ATP6AP2: variants seen among roughly 807,000 people sequenced by gnomAD.
The protein encoded by ATP6AP2 is ATPase H+ transporting accessory protein 2, also known as renin receptor.
In ATP6AP2, 1 loss-of-function variant was observed where a neutral mutation model predicts 23.4. The ratio of observed to expected loss-of-function variants is 0.04; its 90% CI spans 0.02 to 0.20. The LOEUF is 0.20. ATP6AP2 is among the 10% of genes least tolerant of loss of function. ATP6AP2 has a pLI of 1.00. For missense variants in ATP6AP2, 174 were observed against 271.3 expected (o/e 0.64, Z 2.52); for synonymous variants, 90 against 97.1 (o/e 0.93, Z 0.43).
At chrX:40,595,603 A>T (rs1926757513) in intron 3 of ATP6AP2, among the ~76,000 whole-genome samples, 1 of 112,032 alleles carries the variant, frequency 8.9e-6, no homozygotes, top group Non-Finnish European at 1.9e-5. Context: ...TCCTGAACCG[A>T]GCGCCATTTC....
intron 2 of ATP6AP2, 115 bp downstream of exon 2, chrX:40,589,231 A>G (rs1926561193): frequency 1.1e-6 from 1 of 905,054 alleles, no homozygotes; most frequent in Non-Finnish European, 1.5e-6. Flanking sequence ...ACAGATTACA[A>G]AAGTTAAAAA....
chrX:40,594,066 A>AT (rs201980754), intron 3 of ATP6AP2, among the ~76,000 whole-genome samples: 1,686 of 109,662 alleles, frequency 0.015, 33 homozygotes, highest in African/African-American at 0.054. Flanking sequence ...AAAGGAGTAG[A>AT]TTTTAGATAC....
At position 40,600,942 on chromosome X, in the gene ATP6AP2, A is replaced by G. The variant is rs1167003467; in HGVS notation, c.858+61A>G. On this transcript the variant is annotated intron_variant, in intron 8 of 8. Coordinates refer to ENST00000636580, the MANE Select transcript of ATP6AP2 (RefSeq NM_005765.3). The stretch of plus-strand genomic sequence containing the variant: ...AAATTAACTTCTTATAAAAAAAAAA[A>G]AACCAAGTCCTATATCACCTAAGGG... The G allele has an allele frequency of 2.0e-5, 23 of 1,126,026 alleles. No individual in the cohort carries two copies. The Admixed American group carries it at 5.6e-4, about 27-fold the overall frequency. The allele number at this position is 1,126,026 out of a possible 1,213,427, so 92.8% of individuals were successfully genotyped here. A position where few individuals can be genotyped will look rare whatever the true frequency, so the allele number is the denominator to read the frequency against.
chrX:40,585,255 A>T (rs906019469), intron 1 of ATP6AP2, among the ~76,000 whole-genome samples: 1 of 112,091 alleles, frequency 8.9e-6, no homozygotes, highest in Non-Finnish European at 1.9e-5. Flanking sequence ...TATATACTTT[A>T]CATGGAGAGG....
intron 6 of ATP6AP2, 166 bp downstream of exon 6, chrX:40,598,900 G>A: frequency 2.1e-6 from 1 of 484,019 alleles, no homozygotes. Flanking sequence ...ACACATCCAT[G>A]TTATAGTCAA....
chrX:40,599,729 C>T lies in ATP6AP2; in HGVS notation c.726C>T (p.Asp242=), dbSNP rs1432967356. Residue 242 remains aspartate, a synonymous_variant, in exon 7 of 9, where the codon GAC becomes GAT. Coordinates refer to ENST00000636580, the MANE Select transcript of ATP6AP2 (RefSeq NM_005765.3). ...GAGATGCTTCTAAGATCCTTGTTGA[C>T]GCTCTGCAAAAGGTAAATATCAATG... is the stretch of plus-strand genomic sequence containing the variant. The part of the protein sequence containing the change: ...QFRDASKILV[D]ALQKFADDMY... The T allele has an allele frequency of 2.5e-6, 3 of 1,208,921 alleles. No homozygotes were observed.
At chrX:40,600,916 A>G (rs1926887941) in intron 8 of ATP6AP2, 35 bp downstream of exon 8, 1 of 1,150,443 alleles carries the variant, frequency 8.7e-7, no homozygotes, top group African/African-American at 2.0e-5. Flanking sequence ...TTAAAACTGT[A>G]AAATTAACTT....
At chrX:40,593,527 G>A (rs1926698420) in intron 3 of ATP6AP2, among the ~76,000 whole-genome samples, 1 of 107,054 alleles carries the variant, frequency 9.3e-6, no homozygotes, top group Non-Finnish European at 1.9e-5. Context: ...TTTTTTTTGA[G>A]ACAGAATCTT....
Position 40,597,594 on chromosome X carries a change from G to A in ATP6AP2, c.464G>A (p.Arg155His), listed in dbSNP as rs746499876. Reference sequence around the variant, plus strand: ...CTTTCAGTCACCTTGCGCCAGCTCCGTAATCGCCTGTTTCAAGAAAACTCT... The same window carrying A: ...CTTTCAGTCACCTTGCGCCAGCTCCATAATCGCCTGTTTCAAGAAAACTCT... ...EDLSVTLRQL[R>H]NRLFQENSVL... Residue 155 changes from arginine to histidine, a missense_variant, in exon 5 of 9, where the codon CGT (arginine) becomes CAT (histidine). Coordinates refer to ENST00000636580, the MANE Select transcript of ATP6AP2 (RefSeq NM_005765.3). The A allele has an allele frequency of 9.1e-6, 11 of 1,209,370 alleles. No individual in the cohort carries two copies. Among genetic ancestry groups the A allele is most frequent in the East Asian group, 5.9e-5 (2 of 33,864 alleles).
rs1178171474 is a variant in ATP6AP2, at chrX:40,606,455, TTTTGAGGC to T, written c.*701_*708del. On this transcript the variant is annotated 3_prime_UTR_variant, in exon 9 of 9. Coordinates refer to ENST00000636580, the MANE Select transcript of ATP6AP2 (RefSeq NM_005765.3). The stretch of plus-strand genomic sequence containing the variant: ...TACACACAAAAATCCCTGAGGGACA[TTTTGAGGC>T]ATGAATATAAAACATTTTTATTTCA... The T allele has an allele frequency of 8.9e-5, 10 of 112,263 alleles. No individual in the cohort carries two copies. Among genetic ancestry groups the T allele is most frequent in the African/African-American group, 2.9e-4 (9 of 30,794 alleles). The allele number at this position is 112,263 out of a possible 1,213,427, so 9.3% of individuals were successfully genotyped here.
chrX:40,593,571 A>G (rs1294433256), intron 3 of ATP6AP2, among the ~76,000 whole-genome samples: 2 of 110,047 alleles, frequency 1.8e-5, no homozygotes, highest in Non-Finnish European at 3.8e-5. Context: ...CAGTGGCGCA[A>G]TGTCATCTCA....
intron 3 of ATP6AP2, among the ~76,000 whole-genome samples, chrX:40,593,872 A>G (rs1387250565): frequency 9.0e-6 from 1 of 111,463 alleles, no homozygotes; most frequent in Non-Finnish European, 1.9e-5. Context: ...TTCCATCCAT[A>G]TCTTAGAAAT....
At position 40,605,968 on chromosome X, in the gene ATP6AP2, T is replaced by C. The variant is rs909914474; in HGVS notation, c.*213T>C. 1 of 380,026 alleles carries C rather than the reference T, an allele frequency of 2.6e-6. No individual in the cohort carries two copies. The highest frequency in any genetic ancestry group is 2.5e-5 in the African/African-American group (1 of 39,450). 31.3% of individuals were successfully genotyped at this position (380,026 alleles called of 1,213,427 possible). ...CTGTGGTATAGATTCCATAATATGCTTGAATATTATGATATAGCCATTTAA... is the reference window on the plus strand; with the variant it reads ...CTGTGGTATAGATTCCATAATATGCCTGAATATTATGATATAGCCATTTAA... On this transcript the variant is annotated 3_prime_UTR_variant, in exon 9 of 9. Transcript: ENST00000636580.
At chrX:40,594,040 G>A (rs1047120194) in intron 3 of ATP6AP2, among the ~76,000 whole-genome samples, 5 of 110,697 alleles carry the variant, frequency 4.5e-5, no homozygotes, top group African/African-American at 1.7e-4. Flanking sequence ...AATGCATTGT[G>A]TATTTCAAAA....
intron 6 of ATP6AP2, 47 bp from the exon 7 acceptor site, chrX:40,599,545 C>T (rs776563368): frequency 8.3e-7 from 1 of 1,202,342 alleles, no homozygotes; most frequent in East Asian, 3.0e-5. Flanking sequence ...TGACGTCTTT[C>T]ATCTTACTTT....
At chrX:40,602,666 A>C (rs67157095) in intron 8 of ATP6AP2, among the ~76,000 whole-genome samples, 13,476 of 104,881 alleles carry the variant, frequency 0.13, 1,972 homozygotes, top group African/African-American at 0.39. Context: ...AAAAAAAAAA[A>C]CCGAATGTGG....
chrX:40,597,263 T>G lies in ATP6AP2; in HGVS notation c.315T>G (p.Ser105Arg), dbSNP rs745748841. 1.7e-5 allele frequency: 21 copies of G among 1,203,340 alleles called. No individual in the cohort carries two copies. The highest frequency in any genetic ancestry group is 2.3e-4 in the Middle Eastern group (1 of 4,330). The change falls in exon 4 of 9, where the codon AGT (serine) becomes AGG (arginine). Residue 105 changes from serine to arginine, a missense_variant. Physicochemically the swap from Ser to Arg is moderately radical, Grantham distance 110. Coordinates refer to ENST00000636580, the MANE Select transcript of ATP6AP2 (RefSeq NM_005765.3). ...TTAAATTTCAGGCAGTTCCTTTTAG[T>G]CTTGACAGTGTTGCAAATTCCATTC... Reference protein sequence around the residue: ...SYPLENAVPFSLDSVANSIHS... With the variant: ...SYPLENAVPFRLDSVANSIHS...
rs1926806686 is a variant in ATP6AP2, at chrX:40,597,645, C to T, written c.515C>T (p.Ser172Phe). The change falls in exon 5 of 9, where the codon TCT (serine) becomes TTT (phenylalanine). Residue 172 changes from serine to phenylalanine, a missense_variant. Ser to Phe is a radical substitution (Grantham distance 155). Coordinates refer to ENST00000636580, the MANE Select transcript of ATP6AP2 (RefSeq NM_005765.3). ...GTTCTCAGTTCACTCCCCCTCAATT[C>T]TCTGAGTAGGAACAATGAAGTAAGT... ...NSVLSSLPLN[S>F]LSRNNEVDLL... is the part of the protein sequence containing the mutation. 1 of 1,206,217 alleles carries T rather than the reference C, an allele frequency of 8.3e-7. No homozygotes were observed. Among genetic ancestry groups the T allele is most frequent in the Non-Finnish European group, 1.1e-6 (1 of 891,805 alleles).
intron 3 of ATP6AP2, chrX:40,597,000 T>C (rs746521581): frequency 5.0e-5 from 18 of 359,394 alleles, no homozygotes; most frequent in South Asian, 3.4e-4. Context: ...GTGCTAGATA[T>C]AGTGTTGTGT....
Sources: gnomAD v4.1 joint callset for allele counts (sites outside exome capture counted in the v4.1 genomes callset) on GRCh38, gnomAD v4.1.1 for gene constraint, MANE v1.5 for transcripts, NCBI Gene and HGNC (gene_info 2026-07-23, HGNC 2026-07-21) for gene names.